The following BICC1 variants were observed in gnomAD, a reference collection of about 807,000 sequenced individuals.
BICC1 encodes protein bicaudal C homolog 1.
A neutral mutation model predicts 111.0 loss-of-function variants in BICC1; 43 were observed. The ratio of observed to expected loss-of-function variants is 0.39; its 90% CI spans 0.30 to 0.50. The LOEUF is 0.50. Among genes scored for constraint, BICC1 ranks in the 20% least tolerant of loss-of-function variants. The pLI, the probability that BICC1 is intolerant of heterozygous loss-of-function variation, is 0.88. For missense variants in BICC1, 1,091 were observed against 1,203.2 expected (o/e 0.91, Z 1.38); for synonymous variants, 467 against 434.4 (o/e 1.07, Z -0.93).
chr10:58,582,632 G>A (rs563986670), intron 1 of BICC1, among the ~76,000 whole-genome samples: 3 of 152,280 alleles, frequency 2.0e-5, no homozygotes, highest in African/African-American at 7.2e-5. Flanking sequence ...ATAGAGGTCA[G>A]AAGTCCAAAA....
At position 58,688,901 on chromosome 10, in the gene BICC1, G is replaced by C. The variant is rs529646247; in HGVS notation, c.238-13173G>C. 1.7e-3 allele frequency among the ~76,000 whole-genome samples: 260 copies of C among 152,216 alleles called. 2 individuals carry two copies. Among genetic ancestry groups the C allele is most frequent in the Middle Eastern group, 0.01 (3 of 294 alleles). ...TTGGGGAGTGGGGGGCTAGGGGAGG[G>C]ATAGCATTAGGAGAAATACCTAATG... On this transcript the variant is annotated intron_variant, in intron 2 of 20. Coordinates refer to ENST00000373886, the MANE Select transcript of BICC1 (RefSeq NM_001080512.3).
At chr10:58,653,030 G>A (rs527694448) in intron 2 of BICC1, among the ~76,000 whole-genome samples, 4 of 152,212 alleles carry the variant, frequency 2.6e-5, no homozygotes, top group South Asian at 2.1e-4. Flanking sequence ...AATCACCAAC[G>A]TAAGAGACAT....
chr10:58,778,514 A>G (rs1842804954), intron 3 of BICC1, among the ~76,000 whole-genome samples: 1 of 152,248 alleles, frequency 6.6e-6, no homozygotes, highest in Non-Finnish European at 1.5e-5. Flanking sequence ...TAAGAAAATT[A>G]TAAGGGGGAG....
At chr10:58,817,743 C>T (rs1844139557) in intron 19 of BICC1, 21 bp downstream of exon 19, 1 of 1,585,576 alleles carries the variant, frequency 6.3e-7, no homozygotes, top group Non-Finnish European at 8.6e-7. Context: ...ATTTATTTTC[C>T]CAAGTATCTT....
chr10:58,633,278 T>C (rs1021935334), intron 2 of BICC1, among the ~76,000 whole-genome samples: 2 of 152,210 alleles, frequency 1.3e-5, no homozygotes, highest in Admixed American at 6.5e-5. Context: ...CCTCTTTCTT[T>C]GATAAATTAC....
chr10:58,705,801 A>G (rs1210668425), intron 3 of BICC1, among the ~76,000 whole-genome samples: 1 of 152,202 alleles, frequency 6.6e-6, no homozygotes, highest in Non-Finnish European at 1.5e-5. Context: ...TGTTACACAG[A>G]TAGTGAACAT....
chr10:58,692,697 C>T (rs1332048783), intron 2 of BICC1, among the ~76,000 whole-genome samples: 1 of 151,868 alleles, frequency 6.6e-6, no homozygotes, highest in African/African-American at 2.4e-5. Flanking sequence ...TTTTGTAAGC[C>T]TTAGGGAATT....
At chr10:58,662,434 G>T (rs1473356008) in intron 2 of BICC1, among the ~76,000 whole-genome samples, 3 of 152,156 alleles carry the variant, frequency 2.0e-5, no homozygotes, top group Non-Finnish European at 1.5e-5. Context: ...CAATTGTGTT[G>T]TTCTTTAGTT....
Position 58,800,910 on chromosome 10 carries a change from G to C in BICC1, c.1879G>C (p.Glu627Gln). The C allele has an allele frequency of 1.2e-6, 2 of 1,600,628 alleles. No individual in the cohort carries two copies. The highest frequency in any genetic ancestry group is 1.7e-6 in the Non-Finnish European group (2 of 1,174,160). The change falls in exon 14 of 21, where the codon GAA becomes CAA. Residue 627 changes from glutamate to glutamine, a missense_variant. Physicochemically the swap from Glu to Gln is conservative, Grantham distance 29. Coordinates refer to ENST00000373886, the MANE Select transcript of BICC1 (RefSeq NM_001080512.3). The stretch of plus-strand genomic sequence containing the variant: ...TGCAGGTTGTAATGATGCTTTTGTT[G>C]AAGTAGGCATGCCTCGAAGTCCTTC... The part of the protein sequence containing the change: ...PTEGCNDAFV[E>Q]VGMPRSPSHS...
chr10:58,760,487 A>G (rs947679843), intron 3 of BICC1, among the ~76,000 whole-genome samples: 6 of 152,206 alleles, frequency 3.9e-5, no homozygotes, highest in African/African-American at 1.4e-4. Context: ...TTGGTATTTA[A>G]TACAGAGGAA....
intron 1 of BICC1, among the ~76,000 whole-genome samples, chr10:58,603,647 G>A (rs1409518527): frequency 6.6e-6 from 1 of 152,144 alleles, no homozygotes; most frequent in Non-Finnish European, 1.5e-5. Flanking sequence ...AAGATGGAAG[G>A]ATCATGCAGA....
intron 2 of BICC1, among the ~76,000 whole-genome samples, chr10:58,645,543 A>G (rs1416996140): frequency 6.6e-6 from 1 of 152,188 alleles, no homozygotes; most frequent in African/African-American, 2.4e-5. Context: ...GCAGACTTCA[A>G]CAAACACAAA....
chr10:58,658,587 AG>A (rs1838737296), intron 2 of BICC1, among the ~76,000 whole-genome samples: 1 of 152,166 alleles, frequency 6.6e-6, no homozygotes, highest in Admixed American at 6.6e-5. Flanking sequence ...TATAATAAAG[AG>A]CGCTCTTTTA....
chr10:58,570,758 T>G (rs550576032), intron 1 of BICC1, among the ~76,000 whole-genome samples: 150 of 152,286 alleles, frequency 9.8e-4, no homozygotes, highest in African/African-American at 3.6e-3. Flanking sequence ...GAAATTTAAC[T>G]TAAACCAGAA....
chr10:58,763,740 C>T (rs937076150), intron 3 of BICC1, among the ~76,000 whole-genome samples: 6 of 151,662 alleles, frequency 4.0e-5, no homozygotes, highest in East Asian at 1.9e-4. Flanking sequence ...GGACCTGGCA[C>T]GTTGAAATTA....
At chr10:58,672,175 A>C (rs1251812323) in intron 2 of BICC1, among the ~76,000 whole-genome samples, 1 of 152,126 alleles carries the variant, frequency 6.6e-6, no homozygotes, top group Non-Finnish European at 1.5e-5. Context: ...AACCATCATC[A>C]CCATCCATCT....
intron 1 of BICC1, among the ~76,000 whole-genome samples, chr10:58,535,077 A>G (rs913499906): frequency 5.3e-5 from 8 of 151,856 alleles, no homozygotes; most frequent in African/African-American, 1.9e-4. Context: ...CAAAGTCTCC[A>G]AGAAATATGG....
At chr10:58,710,819 C>T (rs768905406) in intron 3 of BICC1, among the ~76,000 whole-genome samples, 4 of 152,018 alleles carry the variant, frequency 2.6e-5, no homozygotes, top group Admixed American at 1.3e-4. Flanking sequence ...CTGTGTATTT[C>T]TTCTGGGTAG....
chr10:58,512,393 G>T (rs776906540), upstream of BICC1, among the ~76,000 whole-genome samples: 2 of 152,100 alleles, frequency 1.3e-5, no homozygotes, highest in Non-Finnish European at 2.9e-5. Context: ...GAACCAACTG[G>T]GGCTGTGAGT....
Sources: allele counts gnomAD v4.1 joint callset (sites outside exome capture counted in the v4.1 genomes callset), GRCh38; gene constraint gnomAD v4.1.1; transcripts MANE v1.5; gene names NCBI Gene and HGNC (gene_info 2026-07-23, HGNC 2026-07-21).